TDRD3: variants seen among roughly 807,000 people sequenced by gnomAD.
TDRD3 encodes tudor domain containing 3.
A neutral mutation model predicts 86.7 loss-of-function variants in TDRD3; 45 were observed. The ratio of observed to expected loss-of-function variants is 0.52; its 90% CI spans 0.41 to 0.67. TDRD3 has a LOEUF of 0.67. Among genes scored for constraint, TDRD3 ranks in the 30% least tolerant of loss-of-function variants. The probability of loss-of-function intolerance (pLI) is 0.00; values close to 1 mark genes in which losing one functional copy is unlikely to be tolerated. For synonymous variants in TDRD3, 298 were observed against 301.7 expected, an observed-to-expected ratio of 0.99 and a Z score of 0.13; for missense variants, 814 against 889.0, an observed-to-expected ratio of 0.92 and a Z score of 1.07.
chr13:60,457,923 A>G (rs897764359), intron 3 of TDRD3, among the ~76,000 whole-genome samples: 5 of 152,110 alleles, frequency 3.3e-5, no homozygotes, highest in African/African-American at 9.7e-5. Flanking sequence ...TTTAGGGCCC[A>G]CTGTAATTCA....
intron 2 of TDRD3, among the ~76,000 whole-genome samples, chr13:60,443,323 A>T (rs142281253): frequency 6.6e-6 from 1 of 151,948 alleles, no homozygotes. Context: ...GTACAACGTG[A>T]GGTACGGTTT....
chr13:60,408,395 A>G (rs1438088235), intron 1 of TDRD3, among the ~76,000 whole-genome samples: 1 of 152,244 alleles, frequency 6.6e-6, no homozygotes, highest in African/African-American at 2.4e-5. Context: ...GGTAACAGGC[A>G]GAGGTTGGAA....
chr13:60,563,163 G>A (rs1958374707), intron 12 of TDRD3, among the ~76,000 whole-genome samples: 1 of 151,660 alleles, frequency 6.6e-6, no homozygotes, highest in South Asian at 2.1e-4. Flanking sequence ...GGAAGGCGGA[G>A]GTTGCCTTGA....
intron 1 of TDRD3, among the ~76,000 whole-genome samples, chr13:60,433,856 T>C (rs1389255438): frequency 6.6e-6 from 1 of 152,210 alleles, no homozygotes; most frequent in Non-Finnish European, 1.5e-5. Context: ...GTGAGTAAGT[T>C]AGATTCACCG....
At chr13:60,416,634 T>G (rs1954523265) in intron 1 of TDRD3, among the ~76,000 whole-genome samples, 1 of 152,252 alleles carries the variant, frequency 6.6e-6, no homozygotes, top group African/African-American at 2.4e-5. Flanking sequence ...AGCTACTGTT[T>G]CTTTGGGCTG....
intron 6 of TDRD3, among the ~76,000 whole-genome samples, chr13:60,485,491 A>G (rs1348607810): frequency 6.6e-6 from 1 of 152,086 alleles, no homozygotes; most frequent in Non-Finnish European, 1.5e-5. Context: ...GATTGTTTGA[A>G]ATCTAAAATT....
intron 3 of TDRD3, among the ~76,000 whole-genome samples, chr13:60,447,865 G>T (rs1955442184): frequency 6.6e-6 from 1 of 152,118 alleles, no homozygotes; most frequent in African/African-American, 2.4e-5. Flanking sequence ...GGGGAGGAGG[G>T]TGTCATCTTA....
intron 12 of TDRD3, among the ~76,000 whole-genome samples, chr13:60,560,724 G>T (rs1340566613): frequency 1.3e-5 from 2 of 152,096 alleles, no homozygotes; most frequent in South Asian, 4.1e-4. Context: ...ATGATTTCAT[G>T]ATATCCTGTA....
chr13:60,439,173 G>T (rs1308061378), intron 1 of TDRD3, among the ~76,000 whole-genome samples: 1 of 152,110 alleles, frequency 6.6e-6, no homozygotes. Flanking sequence ...CTATCTTTGT[G>T]TTACTTGGAA....
At chr13:60,473,202 T>TA (rs991213226) in intron 5 of TDRD3, among the ~76,000 whole-genome samples, 109 of 152,280 alleles carry the variant, frequency 7.2e-4, no homozygotes, top group African/African-American at 2.5e-3. Flanking sequence ...GGCTGGGACA[T>TA]AAACTTCATC....
intron 10 of TDRD3, among the ~76,000 whole-genome samples, chr13:60,524,506 CA>C (rs71092681): frequency 0.48 from 67,741 of 141,776 alleles, 15,770 homozygotes; most frequent in South Asian, 0.55. Context: ...GGCTCCATCT[CA>C]AAAAAAAAAA....
chr13:60,417,224 A>T (rs561666655), intron 1 of TDRD3, among the ~76,000 whole-genome samples: 1 of 151,986 alleles, frequency 6.6e-6, no homozygotes, highest in Non-Finnish European at 1.5e-5. Flanking sequence ...TATGTTGTCC[A>T]GGCTGGTCTG....
At chr13:60,469,194 C>T (rs544592530) in intron 5 of TDRD3, among the ~76,000 whole-genome samples, 1 of 152,270 alleles carries the variant, frequency 6.6e-6, no homozygotes, top group African/African-American at 2.4e-5. Context: ...AATAGTTCTA[C>T]ATAAACAGCC....
chr13:60,560,448 A>G (rs1399495608), intron 12 of TDRD3, among the ~76,000 whole-genome samples: 2 of 152,166 alleles, frequency 1.3e-5, no homozygotes, highest in Non-Finnish European at 2.9e-5. Context: ...TTTTTGTACT[A>G]TATTCTGATT....
chr13:60,424,157 G>T (rs1034772096), intron 1 of TDRD3, among the ~76,000 whole-genome samples: 5 of 151,966 alleles, frequency 3.3e-5, no homozygotes, highest in African/African-American at 1.2e-4. Context: ...GAGTAGCTGG[G>T]ACTACAGGCG....
rs41293436 is a variant in TDRD3, at chr13:60,535,241, A to C, written c.2118+8A>C. Reference sequence around the variant, plus strand: ...ATTCAAACAGAGGCATGGGTACGTGATACATATTCTGTACAAAGGCATAAA... The same window carrying C: ...ATTCAAACAGAGGCATGGGTACGTGCTACATATTCTGTACAAAGGCATAAA... On this transcript the variant is annotated splice_region_variant and intron_variant, in intron 12 of 13. Transcript: ENST00000377881. The C allele has an allele frequency of 0.054, 86,668 of 1,610,676 alleles. 2,455 individuals carry two copies. The highest frequency in any genetic ancestry group is 0.057 in the Non-Finnish European group (66,962 of 1,178,622).
At chr13:60,410,595 T>A (rs757941618) in intron 1 of TDRD3, among the ~76,000 whole-genome samples, 2 of 152,190 alleles carry the variant, frequency 1.3e-5, no homozygotes, top group Non-Finnish European at 2.9e-5. Context: ...TTGGCCACGA[T>A]CTTTTCTCTA....
chr13:60,481,569 T>G (rs2137488566), intron 5 of TDRD3, among the ~76,000 whole-genome samples: 1 of 152,172 alleles, frequency 6.6e-6, no homozygotes, highest in African/African-American at 2.4e-5. Context: ...TTGTTGGTGG[T>G]TTTTTTCTTT....
chr13:60,572,163 T>G (rs900886024), intron 13 of TDRD3, among the ~76,000 whole-genome samples: 1 of 152,114 alleles, frequency 6.6e-6, no homozygotes, highest in African/African-American at 2.4e-5. Flanking sequence ...ACATTCCTGG[T>G]GGGGTGGAGT....
Sources: gnomAD v4.1 joint callset for allele counts (sites outside exome capture counted in the v4.1 genomes callset) on GRCh38, gnomAD v4.1.1 for gene constraint, MANE v1.5 for transcripts, NCBI Gene and HGNC (gene_info 2026-07-23, HGNC 2026-07-21) for gene names.